The following RAET1E variants were observed in gnomAD, a reference collection of about 807,000 sequenced individuals.
RAET1E encodes the protein retinoic acid early transcript 1E.
A neutral mutation model predicts 21.1 loss-of-function variants in RAET1E; 27 were observed. That is an observed-to-expected ratio of 1.28 (90% CI 0.94 to 1.76). RAET1E has a LOEUF of 1.76. Among genes scored for constraint, RAET1E ranks in the 40% most tolerant of loss-of-function variants. RAET1E has a pLI of 0.00. For missense variants in RAET1E, 310 were observed against 311.3 expected (o/e 1.00, Z 0.03); for synonymous variants, 113 against 115.0 (o/e 0.98, Z 0.11).
rs755812265 is a variant in RAET1E, at chr6:149,884,741, G to T, written c.*3757C>A. On this transcript the variant is annotated 3_prime_UTR_variant, in exon 6 of 6. Transcript: ENST00000357183. ...GGGGTTCAGAGCCAAGGAAGGCAAA[G>T]TATCAGTGGGAACACAGTGGGAAGG... Among the ~76,000 whole-genome samples the T allele has an allele frequency of 2.0e-5, 3 of 152,214 alleles. No homozygotes were observed. Among genetic ancestry groups the T allele is most frequent in the Non-Finnish European group, 2.9e-5 (2 of 68,038 alleles).
At position 149,884,408 on chromosome 6, in the gene RAET1E, G is replaced by C; in HGVS notation, c.*4090C>G. On this transcript the variant is annotated 3_prime_UTR_variant, in exon 6 of 6. Coordinates refer to ENST00000357183, the MANE Select transcript of RAET1E (RefSeq NM_001394057.1). Reference sequence around the variant, plus strand: ...AGGCTCCGCCTCCACTTGACTCAGGGAACACACAGCAGTGGGAGCCAAGGC... The same window carrying C: ...AGGCTCCGCCTCCACTTGACTCAGGCAACACACAGCAGTGGGAGCCAAGGC... 7.5e-7 allele frequency: 1 copy of C among 1,325,924 alleles called. No homozygotes were observed. Among genetic ancestry groups the C allele is most frequent in the Non-Finnish European group, 1.0e-6 (1 of 955,816 alleles). The allele number at this position is 1,325,924 out of a possible 1,614,324, so 82.1% of individuals were successfully genotyped here.
chr6:149,892,921 T>C (rs1418158438), intron 2 of RAET1E, among the ~76,000 whole-genome samples: 2 of 152,242 alleles, frequency 1.3e-5, no homozygotes, highest in African/African-American at 2.4e-5. Context: ...GTTTTCTGCA[T>C]ATGGCTAGCC....
chr6:149,896,077 T>A (rs1005862967), intron 1 of RAET1E, 45 bp from the exon 2 acceptor site: 1 of 152,256 alleles, frequency 6.6e-6, no homozygotes, highest in Non-Finnish European at 1.5e-5. Flanking sequence ...CATATGAATT[T>A]GGAAGGCAGG....
At chr6:149,895,437 G>A (rs1326637224) in intron 2 of RAET1E, 2 of 152,294 alleles carry the variant, frequency 1.3e-5, no homozygotes, top group Admixed American at 1.3e-4. Flanking sequence ...GCCTTGCTGA[G>A]CTGCAGTGGG....
chr6:149,889,768 C>G, intron 4 of RAET1E, 117 bp downstream of exon 4: 1 of 1,486,616 alleles, frequency 6.7e-7, no homozygotes, highest in Non-Finnish European at 9.2e-7. Context: ...TCCCATGTGC[C>G]TCTATGGTTG....
At chr6:149,896,634 ATG>A (rs938274540) in intron 1 of RAET1E, among the ~76,000 whole-genome samples, 10 of 143,526 alleles carry the variant, frequency 7.0e-5, no homozygotes, top group Non-Finnish European at 1.3e-4. Flanking sequence ...AACAGAGTGT[ATG>A]TGTGTGTTTG....
chr6:149,889,806 T>C (rs142676263), intron 4 of RAET1E, 79 bp downstream of exon 4: 251 of 1,541,998 alleles, frequency 1.6e-4, no homozygotes, highest in Middle Eastern at 8.7e-4. Context: ...CAGATATACC[T>C]AAAGCCCCTC....
intron 1 of RAET1E, among the ~76,000 whole-genome samples, chr6:149,897,714 G>A (rs1216136053): frequency 1.3e-5 from 2 of 152,144 alleles, no homozygotes; most frequent in Non-Finnish European, 2.9e-5. Context: ...TAGGGCAGGA[G>A]AACAAGGAGA....
At position 149,883,410 on chromosome 6, in the gene RAET1E, A is replaced by G. The variant is rs1256596544; in HGVS notation, c.*5088T>C. The G allele has an allele frequency of 1.3e-4, 19 of 150,558 alleles. No individual in the cohort carries two copies. Among genetic ancestry groups the G allele is most frequent in the Admixed American group, 1.1e-3 (16 of 15,078 alleles). The allele number at this position is 150,558 out of a possible 1,614,324, so 9.3% of individuals were successfully genotyped here. A position where few individuals can be genotyped will look rare whatever the true frequency, so the allele number is the denominator to read the frequency against. On this transcript the variant is annotated 3_prime_UTR_variant, in exon 6 of 6. Transcript: ENST00000357183. Reference sequence around the variant, plus strand: ...GTTAAAGTGTTTATCAGAAAGAACTACTTGTGTCTGGGCTCAGTGGCTCAT... The same window carrying G: ...GTTAAAGTGTTTATCAGAAAGAACTGCTTGTGTCTGGGCTCAGTGGCTCAT...
chr6:149,894,860 G>GT (rs1778051506), intron 2 of RAET1E, among the ~76,000 whole-genome samples: 2 of 152,210 alleles, frequency 1.3e-5, no homozygotes, highest in South Asian at 4.1e-4. Flanking sequence ...AGGCGTTCTT[G>GT]TTTTTGGAAT....
At position 149,895,894 on chromosome 6, in the gene RAET1E, A is replaced by G. The variant is rs1271635164; in HGVS notation, c.-182T>C. 2 of 152,392 alleles carry G rather than the reference A, an allele frequency of 1.3e-5. No homozygotes were observed. The highest frequency in any genetic ancestry group is 4.8e-5 in the African/African-American group (2 of 41,592). 9.4% of individuals were successfully genotyped at this position (152,392 alleles called of 1,614,324 possible). A position where few individuals can be genotyped will look rare whatever the true frequency, so the allele number is the denominator to read the frequency against. ...AGATCAAGGTGTCAGCAGGTCCGGTATCTGGCGAGGGCCCTCTCTTCCTCA... is the reference window on the plus strand; with the variant it reads ...AGATCAAGGTGTCAGCAGGTCCGGTGTCTGGCGAGGGCCCTCTCTTCCTCA... On this transcript the variant is annotated 5_prime_UTR_variant, in exon 2 of 6. Coordinates refer to ENST00000357183, the MANE Select transcript of RAET1E (RefSeq NM_001394057.1).
rs1777654852 is a variant in RAET1E at position 149,887,370 on chromosome 6, G to A, written c.*1128C>T. On this transcript the variant is annotated 3_prime_UTR_variant, in exon 6 of 6. Transcript: ENST00000357183. The stretch of plus-strand genomic sequence containing the variant: ...GACCCCTTTGCCTGCAGCTCTGTGG[G>A]TGGGACCCCTTCCTATCTCAGCATA... Among the ~76,000 whole-genome samples the A allele has an allele frequency of 6.6e-6, 1 of 152,082 alleles. No homozygotes were observed. The highest frequency in any genetic ancestry group is 2.1e-4 in the South Asian group (1 of 4,820).
rs1777528069 is a variant in RAET1E, at chr6:149,884,589, C to A, written c.*3909G>T. On this transcript the variant is annotated 3_prime_UTR_variant, in exon 6 of 6. Coordinates refer to ENST00000357183, the MANE Select transcript of RAET1E (RefSeq NM_001394057.1). ...CTCCGTGATCTCTCAGGACTCAGAT[C>A]CCACCTCTCTCTCAGGGAGAGATCA... 8.5e-7 allele frequency: 1 copy of A among 1,178,142 alleles called. No homozygotes were observed. Among genetic ancestry groups the A allele is most frequent in the Admixed American group, 2.0e-5 (1 of 50,160 alleles). 73.0% of individuals were successfully genotyped at this position (1,178,142 alleles called of 1,614,324 possible).
chr6:149,889,804 C>G (rs1261269996), intron 4 of RAET1E, 81 bp downstream of exon 4: 1 of 1,537,854 alleles, frequency 6.5e-7, no homozygotes, highest in Non-Finnish European at 8.9e-7. Flanking sequence ...CACAGATATA[C>G]CTAAAGCCCC....
Position 149,889,518 on chromosome 6 carries a change from T to C in RAET1E, c.452A>G (p.Asp151Gly). Residue 151 changes from aspartate (D) to glycine (G), a missense_variant, in exon 5 of 6, where the codon GAC becomes GGC. Transcript: ENST00000357183. ...ATNGEKSLLF[D>G]AMNMTWTVIN... ...TACTGTCCAGGTCATGTTCATTGCG[T>C]CAAAGAGGAGGGATTTCTCTCCATT... 1.2e-6 allele frequency: 2 copies of C among 1,614,202 alleles called. No homozygotes were observed. Among genetic ancestry groups the C allele is most frequent in the Admixed American group, 1.7e-5 (1 of 60,032 alleles).
intron 1 of RAET1E, among the ~76,000 whole-genome samples, chr6:149,897,437 T>C (rs542594163): frequency 6.6e-6 from 1 of 152,338 alleles, no homozygotes; most frequent in East Asian, 1.9e-4. Flanking sequence ...ACTTTCAGCC[T>C]GAAGTCCAAA....
chr6:149,889,996 T>G lies in RAET1E; in HGVS notation c.235A>C (p.Lys79Gln). ...CAAGTGCTGGTGGCATATACCTTCT[T>G]CCCCAGGAGGCCCAGAGGTTTGACC... is the stretch of plus-strand genomic sequence containing the variant. The part of the protein sequence containing the change: ...NMVKPLGLLG[K>Q]KVYATSTWGE... The change falls in exon 4 of 6, where the codon AAG (lysine) becomes CAG (glutamine). Residue 79 changes from lysine to glutamine, a missense_variant. By Grantham distance (53) the Lys-to-Gln change is moderately conservative (BLOSUM62 1). Transcript: ENST00000357183. 9 of 1,614,090 alleles carry G rather than the reference T, an allele frequency of 5.6e-6. No homozygotes were observed. Among genetic ancestry groups the G allele is most frequent in the Non-Finnish European group, 7.6e-6 (9 of 1,180,016 alleles).
rs867596767 is a variant in RAET1E at position 149,888,224 on chromosome 6, C to G, written c.*274G>C. 16 of 673,602 alleles carry G rather than the reference C, an allele frequency of 2.4e-5. No individual in the cohort carries two copies. The Middle Eastern group carries it at 2.0e-3, about 83-fold the overall frequency. The allele number at this position is 673,602 out of a possible 1,614,324, so 41.7% of individuals were successfully genotyped here. A position where few individuals can be genotyped will look rare whatever the true frequency, so the allele number is the denominator to read the frequency against. ...GCTAAATCACGGTAAACGCAGACAGCAAACAAACTTTCCGTCAAAGAGCTG... is the reference window on the plus strand; with the variant it reads ...GCTAAATCACGGTAAACGCAGACAGGAAACAAACTTTCCGTCAAAGAGCTG... On this transcript the variant is annotated 3_prime_UTR_variant, in exon 6 of 6. Coordinates refer to ENST00000357183, the MANE Select transcript of RAET1E (RefSeq NM_001394057.1).
intron 2 of RAET1E, among the ~76,000 whole-genome samples, chr6:149,893,801 C>G (rs1318663139): frequency 1.3e-5 from 2 of 152,146 alleles, no homozygotes; most frequent in African/African-American, 4.8e-5. Context: ...GGAACGCTTC[C>G]AGTTTTTGCC....
Sources: allele counts gnomAD v4.1 joint callset (sites outside exome capture counted in the v4.1 genomes callset), GRCh38; gene constraint gnomAD v4.1.1; transcripts MANE v1.5; gene names NCBI Gene and HGNC (gene_info 2026-07-23, HGNC 2026-07-21).